The following SLC12A9 variants were observed in gnomAD, a reference collection of about 807,000 sequenced individuals.
The protein encoded by SLC12A9 is solute carrier family 12 member 9.
In SLC12A9, 55 loss-of-function variants were observed where a neutral mutation model predicts 66.0. The observed-to-expected ratio is 0.83, with a 90% CI of 0.67 to 1.04. The LOEUF is 1.04. Ranked by LOEUF, SLC12A9 falls within the 50% of genes least tolerant of loss-of-function variation. The pLI, the probability that SLC12A9 is intolerant of heterozygous loss-of-function variation, is 0.00. For missense variants in SLC12A9, 1,061 were observed against 1,241.9 expected, an observed-to-expected ratio of 0.85 and a Z score of 2.19; for synonymous variants, 577 against 569.0, an observed-to-expected ratio of 1.01 and a Z score of -0.20.
chr7:100,855,878 A>G, intron 4 of SLC12A9, 41 bp downstream of exon 4: 1 of 1,534,818 alleles, frequency 6.5e-7, no homozygotes. Context: ...GCGGGTTTAC[A>G]GGGTCTGGGA....
chr7:100,830,578 A>T (rs1813525634), intron 1 of SLC12A9, among the ~76,000 whole-genome samples: 1 of 151,740 alleles, frequency 6.6e-6, no homozygotes, highest in African/African-American at 2.4e-5. Context: ...ACCCCACACC[A>T]GGCAGTAATC....
At chr7:100,836,086 GC>G (rs939198522) in intron 1 of SLC12A9, among the ~76,000 whole-genome samples, 5 of 152,152 alleles carry the variant, frequency 3.3e-5, no homozygotes, top group African/African-American at 1.2e-4. Context: ...ATGAGGCCAA[GC>G]CCCCCCATGC....
chr7:100,840,972 G>A (rs1026698477), intron 1 of SLC12A9, among the ~76,000 whole-genome samples: 4 of 151,376 alleles, frequency 2.6e-5, no homozygotes, highest in East Asian at 1.9e-4. Context: ...AGTCTGTAGC[G>A]GCAACTGCTT....
rs766433020 is a variant in SLC12A9 at position 100,826,962 on chromosome 7, CCCG to C, written n.145_147del. The C allele has an allele frequency of 1.1e-5, 17 of 1,527,168 alleles. No individual in the cohort carries two copies. The highest frequency in any genetic ancestry group is 5.8e-5 in the African/African-American group (4 of 69,412). 94.6% of individuals were successfully genotyped at this position (1,527,168 alleles called of 1,614,324 possible). ...CCAGGAGTGACGGGGTGCGCCCCCC[CCCG>C]CAAGGAAACTCACCTTCCAAAGCTG... On this transcript the variant is annotated non_coding_transcript_exon_variant, in exon 1 of 2. Transcript: ENST00000461016.
chr7:100,866,098 C>G lies in SLC12A9; in HGVS notation c.2238C>G (p.Leu746=). 1 of 1,613,064 alleles carries G rather than the reference C, an allele frequency of 6.2e-7. No individual in the cohort carries two copies. The highest frequency in any genetic ancestry group is 8.5e-7 in the Non-Finnish European group (1 of 1,179,882). The change falls in exon 14 of 14, where the codon CTC becomes CTG. Residue 746 remains leucine (L), a synonymous_variant. Coordinates refer to ENST00000354161, the MANE Select transcript of SLC12A9 (RefSeq NM_020246.4). The surrounding 1 kb of genome is among the most constrained non-coding windows in gnomAD (Gnocchi z 7.3). ...GGPGYVDVCG[L]FLLQMATILG... is the part of the protein sequence containing the mutation. ...CCGGCTATGTGGATGTCTGCGGCCT[C>G]TTCCTGCTGCAGATGGCAACCATCT...
intron 1 of SLC12A9, among the ~76,000 whole-genome samples, chr7:100,853,664 C>G (rs1281491800): frequency 6.7e-6 from 1 of 150,110 alleles, no homozygotes. Context: ...AGGACTCAAG[C>G]GATTCTCGTG....
At chr7:100,833,541 T>TCATGC (rs1813584589) in intron 1 of SLC12A9, among the ~76,000 whole-genome samples, 1 of 151,658 alleles carries the variant, frequency 6.6e-6, no homozygotes, top group South Asian at 2.1e-4. Flanking sequence ...GTATGGTGGC[T>TCATGC]CATGCCTGTA....
At chr7:100,848,639 C>T (rs1032797330), upstream of SLC12A9, among the ~76,000 whole-genome samples, 4 of 152,098 alleles carry the variant, frequency 2.6e-5, no homozygotes, top group East Asian at 5.8e-4. Context: ...GTAATTCCAG[C>T]ACTTTGGGAG....
At position 100,861,150 on chromosome 7, in the gene SLC12A9, G is replaced by A; in HGVS notation, c.1231G>A (p.Ala411Thr). ...GGCCCTTGCCCAGCTGGTGCTCCTG[G>A]CTGGGAAGCTGAACACACTGGCTGC... ...SWGLVQLVLLAGKLNTLAAVV... is the reference protein window; with the variant it reads ...SWGLVQLVLLTGKLNTLAAVV... Residue 411 changes from alanine to threonine, a missense_variant, in exon 10 of 14, where the codon GCT (alanine) becomes ACT (threonine). Ala to Thr is a moderately conservative substitution (Grantham distance 58, BLOSUM62 0). Coordinates refer to ENST00000354161, the MANE Select transcript of SLC12A9 (RefSeq NM_020246.4). The surrounding 1 kb of genome is among the most constrained non-coding windows in gnomAD (Gnocchi z 5.3). 1 of 1,614,208 alleles carries A rather than the reference G, an allele frequency of 6.2e-7. No homozygotes were observed. Among genetic ancestry groups the A allele is most frequent in the Non-Finnish European group, 8.5e-7 (1 of 1,180,038 alleles).
exon 1 of SLC12A9, chr7:100,827,015 G>C (rs747556916): frequency 1.3e-6 from 2 of 1,584,110 alleles, no homozygotes; most frequent in South Asian, 1.2e-5. Flanking sequence ...CAGCAGAGCA[G>C]CACCCGGAGC....
rs374596888 is a variant in SLC12A9 at position 100,854,624 on chromosome 7, C to G, written c.186C>G (p.Phe62Leu). 137 of 1,613,796 alleles carry G rather than the reference C, an allele frequency of 8.5e-5. No homozygotes were observed. Among genetic ancestry groups the G allele is most frequent in the Non-Finnish European group, 1.1e-4 (132 of 1,179,972 alleles). ...GATTTGCTGCTCCTGCCTCAGGGTT[C>G]GTGGTGGGTCATGCTGGGCTACTGC... ...FSIVVFLRIG[F>L]VVGHAGLLQA... is the part of the protein sequence containing the mutation. Residue 62 changes from phenylalanine (F) to leucine (L), a missense_variant, in exon 3 of 14, where the codon TTC becomes TTG. By Grantham distance (22) the Phe-to-Leu change is conservative. Transcript: ENST00000354161.
chr7:100,833,270 G>C (rs1813579107), intron 1 of SLC12A9, among the ~76,000 whole-genome samples: 1 of 151,042 alleles, frequency 6.6e-6, no homozygotes, highest in Admixed American at 6.6e-5. Flanking sequence ...GATCACCTGA[G>C]GTTGGGAGTT....
At chr7:100,850,349 C>T (rs924285768), upstream of SLC12A9, among the ~76,000 whole-genome samples, 1 of 151,564 alleles carries the variant, frequency 6.6e-6, no homozygotes, top group Non-Finnish European at 1.5e-5. Flanking sequence ...AGCCTCCATC[C>T]TCCCACCTCA....
intron 1 of SLC12A9, among the ~76,000 whole-genome samples, chr7:100,831,983 C>G (rs1584674651): frequency 6.6e-6 from 1 of 152,176 alleles, no homozygotes; most frequent in East Asian, 1.9e-4. Context: ...TCTTACAGCT[C>G]TGTTACAAAA....
At position 100,860,009 on chromosome 7, in the gene SLC12A9, A is replaced by G; in HGVS notation, c.1102A>G (p.Ile368Val). The change falls in exon 8 of 14, where the codon ATC becomes GTC. Residue 368 changes from isoleucine (I) to valine (V), a missense_variant. Ile to Val is a conservative substitution (Grantham distance 29, BLOSUM62 3). Coordinates refer to ENST00000354161, the MANE Select transcript of SLC12A9 (RefSeq NM_020246.4). Reference protein sequence around the residue: ...SMSSLIGASRILHALARDDLF... With the variant: ...SMSSLIGASRVLHALARDDLF... ...GAGCTCGCTCATTGGTGCCTCCCGCATCCTCCATGCCCTGGCCCGGGATGA... is the reference window on the plus strand; with the variant it reads ...GAGCTCGCTCATTGGTGCCTCCCGCGTCCTCCATGCCCTGGCCCGGGATGA... The G allele has an allele frequency of 6.2e-7, 1 of 1,613,824 alleles. No individual in the cohort carries two copies. Among genetic ancestry groups the G allele is most frequent in the Non-Finnish European group, 8.5e-7 (1 of 1,179,766 alleles).
At position 100,866,639 on chromosome 7, in the gene SLC12A9, C is replaced by T; in HGVS notation, c.*34C>T. On this transcript the variant is annotated 3_prime_UTR_variant, in exon 14 of 14. Transcript: ENST00000354161. This position sits in a 1 kb window ranked among gnomAD's most constrained non-coding sequence, Gnocchi z 7.3. ...CCTCCAGGGCTAGGTAGAGAGGGCC[C>T]AGGCAGGCGGCCTATCCTGATCCTT... 1 of 1,485,620 alleles carries T rather than the reference C, an allele frequency of 6.7e-7. No individual in the cohort carries two copies. The allele number at this position is 1,485,620 out of a possible 1,614,324, so 92.0% of individuals were successfully genotyped here.
At chr7:100,863,572 C>T (rs1404922000) in intron 13 of SLC12A9, among the ~76,000 whole-genome samples, 1 of 152,190 alleles carries the variant, frequency 6.6e-6, no homozygotes, top group Non-Finnish European at 1.5e-5. Flanking sequence ...TTCATCCAGA[C>T]TTTGAAAGAG....
At chr7:100,848,982 A>G (rs561164089), upstream of SLC12A9, among the ~76,000 whole-genome samples, 59 of 151,474 alleles carry the variant, frequency 3.9e-4, 1 homozygote, top group South Asian at 9.6e-3. Flanking sequence ...TTGTTTGGTT[A>G]GTTTTTTGTT....
chr7:100,854,646 C>T lies in SLC12A9; in HGVS notation c.208C>T (p.Leu70=). The T allele has an allele frequency of 6.2e-7, 1 of 1,614,064 alleles. No homozygotes were observed. The highest frequency in any genetic ancestry group is 8.5e-7 in the Non-Finnish European group (1 of 1,179,994). ...GTTCGTGGTGGGTCATGCTGGGCTA[C>T]TGCAGGCCCTGGCCATGCTGCTGGT... is the stretch of plus-strand genomic sequence containing the variant. ...IGFVVGHAGL[L]QALAMLLVAY... Residue 70 remains leucine, a synonymous_variant, in exon 3 of 14, where the codon CTG becomes TTG. Transcript: ENST00000354161.
Sources: gnomAD v4.1 joint callset for allele counts (sites outside exome capture counted in the v4.1 genomes callset) on GRCh38, gnomAD v4.1.1 for gene constraint, Gnocchi (gnomAD v3.1) non-coding constraint, MANE v1.5 for transcripts, NCBI Gene and HGNC (gene_info 2026-07-23, HGNC 2026-07-21) for gene names.